The following NFATC3 variants were observed in gnomAD, a reference collection of about 807,000 sequenced individuals.
NFATC3 encodes the protein nuclear factor of activated T cells 3.
A neutral mutation model predicts 98.6 loss-of-function variants in NFATC3; 46 were observed. That is an observed-to-expected ratio of 0.47 (90% confidence interval 0.37 to 0.60). NFATC3 has a LOEUF of 0.60. Among genes scored for constraint, NFATC3 ranks in the 20% least tolerant of loss-of-function variants. The pLI, the probability that NFATC3 is intolerant of heterozygous loss-of-function variation, is 0.00. For missense variants in NFATC3, 1,256 were observed against 1,295.5 expected (o/e 0.97, Z 0.47); for synonymous variants, 512 against 472.2 (o/e 1.08, Z -1.09).
At chr16:68,210,557 G>C (rs1015819931) in intron 9 of NFATC3, among the ~76,000 whole-genome samples, 2 of 151,934 alleles carry the variant, frequency 1.3e-5, no homozygotes, top group African/African-American at 2.4e-5. Context: ...GTAGAGGTAG[G>C]GTCTTGCCAT....
chr16:68,126,583 A>G lies in NFATC3; in HGVS notation c.1374A>G (p.Ala458=), dbSNP rs199796567. ...ETEGSRGAVK[A]STGGHPVVKL... is the part of the protein sequence containing the mutation. Reference sequence around the variant, plus strand: ...AAGGTAGCCGAGGGGCAGTAAAAGCATCTACTGGGGGACATCCTGTTGTGA... The same window carrying G: ...AAGGTAGCCGAGGGGCAGTAAAAGCGTCTACTGGGGGACATCCTGTTGTGA... Residue 458 remains alanine (A), a synonymous_variant, in exon 3 of 10, where the codon GCA becomes GCG. Transcript: ENST00000346183. 5.5e-5 allele frequency: 88 copies of G among 1,614,046 alleles called. No homozygotes were observed. In the East Asian group the frequency reaches 7.4e-4, roughly 13 times the overall value.
Position 68,191,567 on chromosome 16 carries a change from C to T in NFATC3, c.2898C>T (p.Ala966=), listed in dbSNP as rs2040414514. The change falls in exon 9 of 10, where the codon GCC becomes GCT. Residue 966 remains alanine, a synonymous_variant. Coordinates refer to ENST00000346183, the MANE Select transcript of NFATC3 (RefSeq NM_173165.3). ...GAACTGCCTCATCACCGTCTCCAGC[C>T]ACCAGAATGCATTCTGGACAGCACT... ...SSGTASSPSP[A]TRMHSGQHST... is the part of the protein sequence containing the mutation. 6.2e-7 allele frequency: 1 copy of T among 1,614,184 alleles called. No individual in the cohort carries two copies. Among genetic ancestry groups the T allele is most frequent in the Non-Finnish European group, 8.5e-7 (1 of 1,180,042 alleles).
chr16:68,217,387 CGCCACTGCACTCCAGCTTTCAAGATCAT>C (rs2041677041), intron 9 of NFATC3, among the ~76,000 whole-genome samples: 2 of 149,044 alleles, frequency 1.3e-5, no homozygotes, highest in Admixed American at 6.8e-5. Flanking sequence ...GCCAAGATCA[CGCCACTGCACTCCAGCTTTCAAGATCAT>C]GCCACTGCAC....
intron 6 of NFATC3, among the ~76,000 whole-genome samples, chr16:68,177,744 A>G (rs1481871019): frequency 6.6e-6 from 1 of 151,876 alleles, no homozygotes; most frequent in African/African-American, 2.4e-5. Flanking sequence ...TTGGAGTTTA[A>G]TTATGTTTAT....
At chr16:68,159,948 G>A (rs1004822554) in intron 4 of NFATC3, among the ~76,000 whole-genome samples, 9 of 151,724 alleles carry the variant, frequency 5.9e-5, no homozygotes, top group Admixed American at 3.3e-4. Flanking sequence ...TGTGGTGGCG[G>A]GTGTCTGTAA....
At chr16:68,188,798 T>A (rs1157751307) in intron 8 of NFATC3, among the ~76,000 whole-genome samples, 1 of 152,174 alleles carries the variant, frequency 6.6e-6, no homozygotes, top group Non-Finnish European at 1.5e-5. Flanking sequence ...AACCTCTGCC[T>A]CCCGGGTTCA....
intron 4 of NFATC3, among the ~76,000 whole-genome samples, chr16:68,161,339 A>C (rs1029844436): frequency 6.6e-6 from 1 of 152,240 alleles, no homozygotes; most frequent in African/African-American, 2.4e-5. Flanking sequence ...TCCTCTGGAT[A>C]TTCAAAGCAC....
intron 1 of NFATC3, among the ~76,000 whole-genome samples, chr16:68,110,469 C>T (rs561216149): frequency 2.2e-4 from 33 of 151,982 alleles, no homozygotes; most frequent in South Asian, 6.2e-4. Context: ...CCACCACACC[C>T]GGCTAATTTT....
At chr16:68,192,718 C>T (rs1035459714) in intron 9 of NFATC3, among the ~76,000 whole-genome samples, 2 of 152,024 alleles carry the variant, frequency 1.3e-5, no homozygotes, top group African/African-American at 4.8e-5. Flanking sequence ...AAAAAATTAG[C>T]CAGGCATAGT....
At chr16:68,165,364 T>C (rs2039137225) in intron 4 of NFATC3, among the ~76,000 whole-genome samples, 1 of 151,848 alleles carries the variant, frequency 6.6e-6, no homozygotes. Flanking sequence ...CCTTCTGTTT[T>C]ATTGGTTGTC....
At chr16:68,200,049 T>C (rs1428893171) in intron 9 of NFATC3, 1 of 152,222 alleles carries the variant, frequency 6.6e-6, no homozygotes, top group Non-Finnish European at 1.5e-5. Flanking sequence ...GGGCTCTATC[T>C]AATACCTCTA....
chr16:68,191,629 C>G lies in NFATC3; in HGVS notation c.2960C>G (p.Ser987Cys), dbSNP rs777722195. ...QAQSTGQGGL[S>C]APSSLICHSL... Reference sequence around the variant, plus strand: ...CAAAGTACGGGCCAGGGGGGTCTTTCTGCACCTTCATCCTTAATATGTCAC... The same window carrying G: ...CAAAGTACGGGCCAGGGGGGTCTTTGTGCACCTTCATCCTTAATATGTCAC... The change falls in exon 9 of 10, where the codon TCT (serine) becomes TGT (cysteine). Residue 987 changes from serine (S) to cysteine (C), a missense_variant. Ser to Cys is a moderately radical substitution (Grantham distance 112, BLOSUM62 -1). Around this residue, in one of 3 missense-constraint regions of NFATC3, gnomAD observed 636 missense variants for 617.3 expected, o/e 1.03. Transcript: ENST00000346183. The G allele has an allele frequency of 6.2e-7, 1 of 1,614,176 alleles. No homozygotes were observed. The highest frequency in any genetic ancestry group is 8.5e-7 in the Non-Finnish European group (1 of 1,180,044).
At chr16:68,103,842 C>A (rs918433916) in intron 1 of NFATC3, among the ~76,000 whole-genome samples, 3 of 152,182 alleles carry the variant, frequency 2.0e-5, no homozygotes, top group Admixed American at 2.0e-4. Flanking sequence ...TGTAAAAAAT[C>A]AATTGGCCAT....
chr16:68,181,343 T>C, intron 6 of NFATC3, 132 bp from the exon 7 acceptor site: 1 of 663,866 alleles, frequency 1.5e-6, no homozygotes, highest in Non-Finnish European at 2.7e-6. Context: ...TTATATTTTA[T>C]TTTCATAATG....
intron 8 of NFATC3, among the ~76,000 whole-genome samples, chr16:68,183,999 C>T (rs971601182): frequency 8.3e-4 from 103 of 123,690 alleles, no homozygotes; most frequent in Middle Eastern, 5.1e-3. Flanking sequence ...AGCGAAACTC[C>T]GTCACAAAAA....
Position 68,199,034 on chromosome 16 carries a change from G to A in NFATC3, c.3106+7259G>A, listed in dbSNP as rs1049314941. Among the ~76,000 whole-genome samples the A allele has an allele frequency of 4.0e-5, 6 of 150,970 alleles. No individual in the cohort carries two copies. The South Asian group carries it at 1.1e-3, about 27-fold the overall frequency. ...CTGCACTCCAGCCTGGCAACAGAGC[G>A]AGACTCCATCTCAAAAAGAAAAAGA... is the stretch of plus-strand genomic sequence containing the variant. On this transcript the variant is annotated intron_variant, in intron 9 of 9. Transcript: ENST00000346183.
At chr16:68,224,768 A>G (rs1263213783) in intron 9 of NFATC3, 1 of 152,046 alleles carries the variant, frequency 6.6e-6, no homozygotes, top group Non-Finnish European at 1.5e-5. Flanking sequence ...CCAGAAAAAG[A>G]TTAGATGTTA....
intron 3 of NFATC3, chr16:68,138,880 G>T (rs889910596): frequency 1.1e-6 from 1 of 930,820 alleles, no homozygotes; most frequent in Non-Finnish European, 1.4e-6. Flanking sequence ...AGACTGTTTT[G>T]GTTGAATCCT....
At chr16:68,156,264 G>A (rs1351744215) in intron 3 of NFATC3, among the ~76,000 whole-genome samples, 1 of 152,202 alleles carries the variant, frequency 6.6e-6, no homozygotes, top group East Asian at 1.9e-4. Context: ...GCAGTGGGCT[G>A]AGATCGTGTC....
Sources: gnomAD v4.1 joint callset for allele counts (sites outside exome capture counted in the v4.1 genomes callset) on GRCh38, gnomAD v4.1.1 for gene constraint, gnomAD v4.1.1 regional missense constraint, MANE v1.5 for transcripts, NCBI Gene and HGNC (gene_info 2026-07-23, HGNC 2026-07-21) for gene names.